Variants in SMPD1 observed in about 807,000 individuals in gnomAD.
SMPD1 encodes the protein sphingomyelin phosphodiesterase.
Under a neutral mutation model 49.7 loss-of-function variants are expected in SMPD1, and 47 were observed. The observed-to-expected ratio is 0.95, with a 90% CI of 0.75 to 1.21. The LOEUF (loss-of-function observed/expected upper bound fraction) is 1.21, where lower values mean the gene tolerates loss of function less well. Among genes scored for constraint, SMPD1 ranks in the 50% most tolerant of loss-of-function variants. The probability of loss-of-function intolerance (pLI) is 0.00; values close to 1 mark genes in which losing one functional copy is unlikely to be tolerated. For missense variants in SMPD1, 811 were observed against 822.2 expected (o/e 0.99, Z 0.17); for synonymous variants, 336 against 339.6 (o/e 0.99, Z 0.12).
rs199915216 is a variant in SMPD1, at chr11:6,394,309, C to T, written c.1598C>T (p.Pro533Leu). 249 of 1,614,218 alleles carry T rather than the reference C, an allele frequency of 1.5e-4. 1 individual carries two copies. In the East Asian group the frequency reaches 3.8e-3, roughly 24 times the overall value. ...CAGGCAAACATACCGGGAGCCATAC[C>T]GCACTGGCAGCTTCTCTACAGGGCT... ...LTQANIPGAI[P>L]HWQLLYRARE... Residue 533 changes from proline (P) to leucine (L), a missense_variant, in exon 6 of 6, where the codon CCG becomes CTG. Physicochemically the swap from Pro to Leu is moderately conservative, Grantham distance 98. Transcript: ENST00000342245.
Position 6,391,405 on chromosome 11 carries a change from G to C in SMPD1, c.340G>C (p.Val114Leu), listed in dbSNP as rs142215226. 8 of 1,612,648 alleles carry C rather than the reference G, an allele frequency of 5.0e-6. No homozygotes were observed. The highest frequency in any genetic ancestry group is 6.8e-6 in the Non-Finnish European group (8 of 1,179,986). The change falls in exon 2 of 6, where the codon GTG becomes CTG. Residue 114 changes from valine to leucine, a missense_variant. Physicochemically the swap from Val to Leu is conservative, Grantham distance 32. Coordinates refer to ENST00000342245, the MANE Select transcript of SMPD1 (RefSeq NM_000543.5). ...GCAGAAGGAACCCAATGTGGCTCGC[G>C]TGGGCTCCGTGGCCATCAAGCTGTG... ...GLKKEPNVAR[V>L]GSVAIKLCNL...
At position 6,394,009 on chromosome 11, in the gene SMPD1, C is replaced by G. The variant is rs1406869342; in HGVS notation, c.1454C>G (p.Pro485Arg). The change falls in exon 5 of 6, where the codon CCC (proline) becomes CGC (arginine). Residue 485 changes from proline to arginine, a missense_variant. By Grantham distance (103) the Pro-to-Arg change is moderately radical. Transcript: ENST00000342245. ...CCGCTGGCTGTAGCCTTCCTGGCACCCAGTGCAACTACCTACATCGGCCTT... is the reference window on the plus strand; with the variant it reads ...CCGCTGGCTGTAGCCTTCCTGGCACGCAGTGCAACTACCTACATCGGCCTT... ...SRPLAVAFLA[P>R]SATTYIGLNP... 6.2e-7 allele frequency: 1 copy of G among 1,614,172 alleles called. No homozygotes were observed. Among genetic ancestry groups the G allele is most frequent in the East Asian group, 2.2e-5 (1 of 44,870 alleles).
intron 2 of SMPD1, 132 bp downstream of exon 2, chr11:6,392,288 T>A: frequency 1.1e-6 from 1 of 899,158 alleles, no homozygotes; most frequent in Non-Finnish European, 1.8e-6. Context: ...GCTCCCCTAA[T>A]CTGACTCCTC....
At chr11:6,392,225 C>T in intron 2 of SMPD1, 69 bp downstream of exon 2, 1 of 1,573,046 alleles carries the variant, frequency 6.4e-7, no homozygotes, top group South Asian at 1.1e-5. Context: ...AGAAGGGAAC[C>T]TGGGGCATTG....
chr11:6,394,702 G>T lies in SMPD1; in HGVS notation c.*95G>T. 9.6e-7 allele frequency: 1 copy of T among 1,041,178 alleles called. No individual in the cohort carries two copies. The highest frequency in any genetic ancestry group is 2.0e-5 in the Admixed American group (1 of 50,080). 64.5% of individuals were successfully genotyped at this position (1,041,178 alleles called of 1,614,324 possible). On this transcript the variant is annotated 3_prime_UTR_variant, in exon 6 of 6. Coordinates refer to ENST00000342245, the MANE Select transcript of SMPD1 (RefSeq NM_000543.5). The stretch of plus-strand genomic sequence containing the variant: ...GTTCAACCAGGCAAGATCATCCGGT[G>T]AAAGAACCAGTCCCTGGGCCCCAAG...
chr11:6,390,957 G>C (rs1465318499), intron 1 of SMPD1, 41 bp downstream of exon 1: 1 of 1,610,566 alleles, frequency 6.2e-7, no homozygotes, highest in African/African-American at 1.3e-5. Context: ...GCCGAAAGGA[G>C]TGCTGGGGCT....
chr11:6,393,620 C>T lies in SMPD1; in HGVS notation c.1267C>T (p.His423Tyr), dbSNP rs120074126. The change falls in exon 4 of 6, where the codon CAT becomes TAT. Residue 423 changes from histidine (H) to tyrosine (Y), a missense_variant. Coordinates refer to ENST00000342245, the MANE Select transcript of SMPD1 (RefSeq NM_000543.5). ...QAAEDRGDKV[H>Y]IIGHIPPGHC... ...CATCCTTAATTCTCCCTACTAGGTG[C>T]ATATAATTGGCCACATTCCCCCAGG... 3.7e-6 allele frequency: 6 copies of T among 1,611,816 alleles called. No homozygotes were observed. The highest frequency in any genetic ancestry group is 1.6e-4 in the Middle Eastern group (1 of 6,082).
In SMPD1 at chr11:6,390,677, G is replaced by C; in HGVS notation, c.79G>C (p.Ala27Pro). The C allele has an allele frequency of 6.2e-7, 1 of 1,611,776 alleles. No homozygotes were observed. The change falls in exon 1 of 6, where the codon GCC becomes CCC. Residue 27 changes from alanine to proline, a missense_variant. Coordinates refer to ENST00000342245, the MANE Select transcript of SMPD1 (RefSeq NM_000543.5). ...GCAGGGACAAGACGGGACCGCCGGA[G>C]CCCCCGGACTCCTTTGGATGGGCCT... is the stretch of plus-strand genomic sequence containing the variant. ...REQGQDGTAG[A>P]PGLLWMGLVL...
rs775743387 is a variant in SMPD1, at chr11:6,391,393, A to G, written c.328A>G (p.Asn110Asp). The G allele has an allele frequency of 3.7e-6, 6 of 1,612,540 alleles. No individual in the cohort carries two copies. The East Asian group carries it at 1.3e-4, about 36-fold the overall frequency. The change falls in exon 2 of 6, where the codon AAT becomes GAT. Residue 110 changes from asparagine (N) to aspartate (D), a missense_variant. Coordinates refer to ENST00000342245, the MANE Select transcript of SMPD1 (RefSeq NM_000543.5). ...GCTCCTCCCACTGCAGAAGGAACCC[A>G]ATGTGGCTCGCGTGGGCTCCGTGGC... is the stretch of plus-strand genomic sequence containing the variant. ...AINLGLKKEP[N>D]VARVGSVAIK...
Position 6,393,972 on chromosome 11 carries a change from ACT to A in SMPD1, c.1420_1421del (p.Leu474GlufsTer20), listed in dbSNP as rs398123476. On this transcript the variant is annotated frameshift_variant, in exon 5 of 6. Transcript: ENST00000342245. LOFTEE classifies it high-confidence loss of function. Reference protein sequence around the residue: ...DEFEVFYDEETLSRPLAVAFL... With the variant: ...DEFEVFYDEEXLSRPLAVAFL... ...ATTTGAGGTCTTCTATGATGAAGAG[ACT>A]CTGAGCCGGCCGCTGGCTGTAGCCT... The A allele has an allele frequency of 6.2e-7, 1 of 1,614,032 alleles. No individual in the cohort carries two copies. Among genetic ancestry groups the A allele is most frequent in the Non-Finnish European group, 8.5e-7 (1 of 1,180,010 alleles).
At chr11:6,393,128 T>C in intron 2 of SMPD1, 88 bp from the exon 3 acceptor site, 1 of 1,074,884 alleles carries the variant, frequency 9.3e-7, no homozygotes, top group Non-Finnish European at 1.4e-6. Context: ...GAAGATGTCA[T>C]GTATGCTTTT....
At position 6,390,746 on chromosome 11, in the gene SMPD1, T is replaced by C. The variant is rs781675416; in HGVS notation, c.148T>C (p.Ser50Pro). ...GGCGCTGGCGCTGGCGCTGGCTCTG[T>C]CTGACTCTCGGGTTCTCTGGGCTCC... ...ALALALALAL[S>P]DSRVLWAPAE... The change falls in exon 1 of 6, where the codon TCT becomes CCT. Residue 50 changes from serine to proline, a missense_variant. Transcript: ENST00000342245. 5.6e-6 allele frequency: 9 copies of C among 1,601,974 alleles called. No individual in the cohort carries two copies. Among genetic ancestry groups the C allele is most frequent in the Non-Finnish European group, 6.8e-6 (8 of 1,170,412 alleles).
At position 6,394,617 on chromosome 11, in the gene SMPD1, G is replaced by A. The variant is rs1171441050; in HGVS notation, c.*10G>A. 1 of 1,598,656 alleles carries A rather than the reference G, an allele frequency of 6.3e-7. No individual in the cohort carries two copies. The highest frequency in any genetic ancestry group is 8.5e-7 in the Non-Finnish European group (1 of 1,178,436). ...GCCACTGTTTTGCTAGGGCCCCAGGGCCCACATTTGGGAAAGTTCTTGATG... is the reference window on the plus strand; with the variant it reads ...GCCACTGTTTTGCTAGGGCCCCAGGACCCACATTTGGGAAAGTTCTTGATG... On this transcript the variant is annotated 3_prime_UTR_variant, in exon 6 of 6. Transcript: ENST00000342245.
intron 3 of SMPD1, 43 bp from the exon 4 acceptor site, chr11:6,393,573 GA>G: frequency 6.6e-7 from 1 of 1,511,770 alleles, no homozygotes; most frequent in African/African-American, 1.4e-5. Flanking sequence ...GGGCTGCCTG[GA>G]CCCCTGGATG....
chr11:6,394,606 A>G lies in SMPD1; in HGVS notation c.1895A>G (p.Ter632TrpextTer11), dbSNP rs886753833. Reference sequence around the variant, plus strand: ...CTGTGGCCAAGGCCACTGTTTTGCTAGGGCCCCAGGGCCCACATTTGGGAA... The same window carrying G: ...CTGTGGCCAAGGCCACTGTTTTGCTGGGGCCCCAGGGCCCACATTTGGGAA... Reference protein sequence around the residue: ...QSLWPRPLFC* With the variant: ...QSLWPRPLFCW Residue 632 changes from the stop codon to tryptophan, a stop_lost, in exon 6 of 6, where the codon TAG (stop) becomes TGG (tryptophan). Transcript: ENST00000342245. 8.7e-6 allele frequency: 14 copies of G among 1,600,050 alleles called. No individual in the cohort carries two copies. Among genetic ancestry groups the G allele is most frequent in the Non-Finnish European group, 1.2e-5 (14 of 1,179,124 alleles).
At position 6,394,028 on chromosome 11, in the gene SMPD1, C is replaced by T. The variant is rs554647710; in HGVS notation, c.1473C>T (p.Ile491=). The T allele has an allele frequency of 9.3e-6, 15 of 1,614,080 alleles. No homozygotes were observed. The highest frequency in any genetic ancestry group is 6.6e-5 in the South Asian group (6 of 91,084). The change falls in exon 5 of 6, where the codon ATC becomes ATT. Residue 491 remains isoleucine (I), a synonymous_variant. Transcript: ENST00000342245. ...TGGCACCCAGTGCAACTACCTACAT[C>T]GGCCTTAATCCTGGTGAGTGAGGCA... The part of the protein sequence containing the change: ...AFLAPSATTY[I]GLNPGYRVYQ...
chr11:6,392,808 T>A (rs1392774106), intron 2 of SMPD1, among the ~76,000 whole-genome samples: 1 of 152,022 alleles, frequency 6.6e-6, no homozygotes, highest in African/African-American at 2.4e-5. Context: ...GCCCTCCCTT[T>A]CTACTCTTAT....
At position 6,390,706 on chromosome 11, in the gene SMPD1, GCTGGC is replaced by G; in HGVS notation, c.109_113del (p.Leu37AlafsTer13). 1 of 493,292 alleles carries G rather than the reference GCTGGC, an allele frequency of 2.0e-6. No homozygotes were observed. Among genetic ancestry groups the G allele is most frequent in the Non-Finnish European group, 3.1e-6 (1 of 325,706 alleles). 30.6% of individuals were successfully genotyped at this position (493,292 alleles called of 1,614,324 possible). A position where few individuals can be genotyped will look rare whatever the true frequency, so the allele number is the denominator to read the frequency against. On this transcript the variant is annotated frameshift_variant, in exon 1 of 6. Coordinates refer to ENST00000342245, the MANE Select transcript of SMPD1 (RefSeq NM_000543.5). LOFTEE classifies it high-confidence loss of function. ...CCGGACTCCTTTGGATGGGCCTGGT[GCTGGC>G]GCTGGCGCTGGCGCTGGCGCTGGCG...
At position 6,393,614 on chromosome 11, in the gene SMPD1, T is replaced by A. The variant is rs1848040768; in HGVS notation, c.1264-3T>A. The A allele has an allele frequency of 6.2e-7, 1 of 1,610,498 alleles. No individual in the cohort carries two copies. Among genetic ancestry groups the A allele is most frequent in the Non-Finnish European group, 8.5e-7 (1 of 1,176,840 alleles). ...GATTACCATCCTTAATTCTCCCTAC[T>A]AGGTGCATATAATTGGCCACATTCC... On this transcript the variant is annotated splice_polypyrimidine_tract_variant and splice_region_variant and intron_variant, in intron 3 of 5. Coordinates refer to ENST00000342245, the MANE Select transcript of SMPD1 (RefSeq NM_000543.5).
Sources: gnomAD v4.1 joint callset for allele counts (sites outside exome capture counted in the v4.1 genomes callset) on GRCh38, gnomAD v4.1.1 for gene constraint, MANE v1.5 for transcripts, NCBI Gene and HGNC (gene_info 2026-07-23, HGNC 2026-07-21) for gene names.